The following MCF2L2 variants were observed in gnomAD, a reference collection of about 807,000 sequenced individuals.
MCF2L2 encodes the protein probable guanine nucleotide exchange factor MCF2L2.
MCF2L2 carries 102 observed loss-of-function variants against 150.2 expected under a neutral mutation model. The ratio of observed to expected loss-of-function variants is 0.68; its 90% confidence interval spans 0.58 to 0.80. MCF2L2 has a LOEUF of 0.80. Ranked by LOEUF, MCF2L2 falls within the 30% of genes least tolerant of loss-of-function variation. MCF2L2 has a pLI of 0.00. For synonymous variants in MCF2L2, 465 were observed against 491.3 expected, an observed-to-expected ratio of 0.95 and a Z score of 0.71; for missense variants, 1,256 against 1,372.8, an observed-to-expected ratio of 0.91 and a Z score of 1.34.
At chr3:183,419,919 C>G (rs964026502) in intron 1 of MCF2L2, among the ~76,000 whole-genome samples, 1 of 152,168 alleles carries the variant, frequency 6.6e-6, no homozygotes, top group African/African-American at 2.4e-5. Context: ...ATTTCTTCTG[C>G]CAGATACCCT....
intron 3 of MCF2L2, chr3:183,372,350 TATC>T (rs1310322229): frequency 6.6e-6 from 1 of 152,162 alleles, no homozygotes; most frequent in Non-Finnish European, 1.5e-5. Context: ...TTAGGCCACT[TATC>T]ATAAAAAGAG....
intron 11 of MCF2L2, chr3:183,298,231 T>C (rs2293201): frequency 1.3e-5 from 2 of 152,096 alleles, no homozygotes; most frequent in African/African-American, 4.8e-5. Flanking sequence ...ACTGAGACAC[T>C]TGAACAGAAA....
chr3:183,400,609 C>A (rs1045031469), intron 1 of MCF2L2: 1 of 370,846 alleles, frequency 2.7e-6, no homozygotes, highest in Non-Finnish European at 5.4e-6. Flanking sequence ...CACTCGAGGT[C>A]ATTTCGTGGC....
intron 25 of MCF2L2, among the ~76,000 whole-genome samples, chr3:183,205,123 G>A (rs1040673674): frequency 1.3e-5 from 2 of 152,192 alleles, no homozygotes; most frequent in Non-Finnish European, 2.9e-5. Context: ...GCTCACACCT[G>A]TAATCCCAGC....
chr3:183,356,178 A>G (rs1711766429), intron 3 of MCF2L2, among the ~76,000 whole-genome samples: 1 of 151,638 alleles, frequency 6.6e-6, no homozygotes, highest in African/African-American at 2.4e-5. Context: ...TTAAAAAAAA[A>G]AAAAAAACTC....
intron 3 of MCF2L2, among the ~76,000 whole-genome samples, chr3:183,358,719 C>T (rs1434149127): frequency 1.3e-5 from 2 of 152,152 alleles, no homozygotes; most frequent in Non-Finnish European, 2.9e-5. Context: ...CTCCAGGGCT[C>T]AAGCAGTTCT....
rs1449636896 is a variant in MCF2L2, at chr3:183,410,694, T to C, written c.76+17208A>G. ...AGGCCAGCCTGTAAAACCGTCTAAGTATTTTACATTCTTAATGATTCTAAA... is the reference window on the plus strand; with the variant it reads ...AGGCCAGCCTGTAAAACCGTCTAAGCATTTTACATTCTTAATGATTCTAAA... On this transcript the variant is annotated intron_variant, in intron 1 of 29. Coordinates refer to ENST00000328913, the MANE Select transcript of MCF2L2 (RefSeq NM_015078.4). Among the ~76,000 whole-genome samples, 4 of 152,192 alleles carry C rather than the reference T, an allele frequency of 2.6e-5. No individual in the cohort carries two copies. The East Asian group carries it at 7.7e-4, about 29-fold the overall frequency.
At chr3:183,298,124 C>CA (rs1728633119) in intron 11 of MCF2L2, 1 of 152,184 alleles carries the variant, frequency 6.6e-6, no homozygotes, top group Non-Finnish European at 1.5e-5. Context: ...CAGCGATACT[C>CA]AAGAGTTTCT....
rs1460293469 is a variant in MCF2L2, at chr3:183,181,019, C to T, written c.3017-860G>A. Among the ~76,000 whole-genome samples the T allele has an allele frequency of 6.6e-6, 1 of 152,212 alleles. No homozygotes were observed. The highest frequency in any genetic ancestry group is 2.4e-5 in the African/African-American group (1 of 41,452). ...GTCCCAACACAGGACAGCCCCAGAC[C>T]GAGGGTCAGCTGAGTAGTCTACGCG... On this transcript the variant is annotated intron_variant, in intron 27 of 29. Transcript: ENST00000328913. This position sits in a 1 kb window ranked among gnomAD's most constrained non-coding sequence, Gnocchi z 4.3.
chr3:183,291,477 T>C (rs1412554185), intron 13 of MCF2L2, among the ~76,000 whole-genome samples: 2 of 152,254 alleles, frequency 1.3e-5, no homozygotes, highest in African/African-American at 4.8e-5. Flanking sequence ...TATTGCCACA[T>C]GGCACTAAAA....
rs1721455671 is a variant in MCF2L2, at chr3:183,179,844, G to C, written c.3106-152C>G. The C allele has an allele frequency of 8.0e-6, 6 of 753,422 alleles. No individual in the cohort carries two copies. In the South Asian group the frequency reaches 1.0e-4, roughly 13 times the overall value. 46.7% of individuals were successfully genotyped at this position (753,422 alleles called of 1,614,324 possible). A position where few individuals can be genotyped will look rare whatever the true frequency, so the allele number is the denominator to read the frequency against. On this transcript the variant is annotated intron_variant, in intron 28 of 29. Transcript: ENST00000328913. The surrounding 1 kb of genome is among the most constrained non-coding windows in gnomAD (Gnocchi z 4.2). ...CTCAGCGGGAGCCCCAGTTATGACC[G>C]GACACCAGCGCACCGCCAAGGAGAC...
intron 1 of MCF2L2, among the ~76,000 whole-genome samples, chr3:183,406,582 G>C (rs1045736791): frequency 1.6e-4 from 25 of 152,172 alleles, no homozygotes; most frequent in African/African-American, 5.5e-4. Flanking sequence ...TCTGCCACCC[G>C]GGTCCAAGCG....
chr3:183,179,544 A>G lies in MCF2L2; in HGVS notation c.3221+33T>C. ...GAAAGTCAGAGACGCCGTGGCCCAA[A>G]GAGGCGCTTAGTCTTTCCTCGCTCA... On this transcript the variant is annotated intron_variant, in intron 29 of 29. Transcript: ENST00000328913. The surrounding 1 kb of genome is among the most constrained non-coding windows in gnomAD (Gnocchi z 4.2). 1 of 1,612,220 alleles carries G rather than the reference A, an allele frequency of 6.2e-7. No homozygotes were observed. Among genetic ancestry groups the G allele is most frequent in the Non-Finnish European group, 8.5e-7 (1 of 1,178,850 alleles).
intron 10 of MCF2L2, among the ~76,000 whole-genome samples, chr3:183,306,881 T>A (rs1397455600): frequency 6.6e-6 from 1 of 152,228 alleles, no homozygotes; most frequent in Non-Finnish European, 1.5e-5. Flanking sequence ...TCCTCCACCC[T>A]GTCCTGGTCT....
At chr3:183,231,202 C>G (rs1723542163) in intron 15 of MCF2L2, 185 bp from the exon 16 acceptor site, 1 of 680,882 alleles carries the variant, frequency 1.5e-6, no homozygotes, top group East Asian at 2.8e-5. Context: ...CAAACGCACA[C>G]TGTGATCACA....
At chr3:183,264,113 A>G (rs1331536808) in intron 15 of MCF2L2, among the ~76,000 whole-genome samples, 1 of 152,064 alleles carries the variant, frequency 6.6e-6, no homozygotes, top group Non-Finnish European at 1.5e-5. Context: ...AAAACCAGAA[A>G]TTTCTATGAC....
chr3:183,382,707 A>C (rs936678788), intron 2 of MCF2L2, among the ~76,000 whole-genome samples: 5 of 152,226 alleles, frequency 3.3e-5, no homozygotes, highest in African/African-American at 4.8e-5. Context: ...GTAAAATGAT[A>C]ACTTAAAATA....
In MCF2L2 at chr3:183,405,902, G is replaced by T. The variant is rs1715016780; in HGVS notation, c.77-16123C>A. ...AGCTAATTTTTGTATTTTTAGCAGA[G>T]ACAGGGTTTTACCATGCTGGCCAGG... is the stretch of plus-strand genomic sequence containing the variant. On this transcript the variant is annotated intron_variant, in intron 1 of 29. Transcript: ENST00000328913. 1.3e-5 allele frequency among the ~76,000 whole-genome samples: 2 copies of T among 152,180 alleles called. 1 individual carries two copies. The highest frequency in any genetic ancestry group is 4.1e-4 in the South Asian group (2 of 4,822).
At chr3:183,279,636 C>CGCCT (rs1727361795) in intron 14 of MCF2L2, among the ~76,000 whole-genome samples, 4 of 152,192 alleles carry the variant, frequency 2.6e-5, no homozygotes, top group Admixed American at 2.6e-4. Context: ...GGAGGCCAAT[C>CGCCT]AGGCGGAACA....
Sources: allele counts gnomAD v4.1 joint callset (sites outside exome capture counted in the v4.1 genomes callset), GRCh38; gene constraint gnomAD v4.1.1; non-coding constraint Gnocchi (gnomAD v3.1); transcripts MANE v1.5; gene names NCBI Gene and HGNC (gene_info 2026-07-23, HGNC 2026-07-21).